PPFIBP2: variants seen among roughly 807,000 people sequenced by gnomAD.
PPFIBP2 encodes liprin-beta-2.
A neutral mutation model predicts 118.3 loss-of-function variants in PPFIBP2; 118 were observed. The ratio of observed to expected loss-of-function variants is 1.00; its 90% CI spans 0.86 to 1.16. PPFIBP2 has a LOEUF of 1.16. Among genes scored for constraint, PPFIBP2 ranks in the 50% most tolerant of loss-of-function variants. The pLI is 0.00. For missense variants in PPFIBP2, 1,195 were observed against 1,073.1 expected, an observed-to-expected ratio of 1.11 and a Z score of -1.59; for synonymous variants, 414 against 397.4, an observed-to-expected ratio of 1.04 and a Z score of -0.50.
At position 7,630,128 on chromosome 11, in the gene PPFIBP2, C is replaced by CTGGG. The variant is rs368208492; in HGVS notation, c.964+595_964+598dup. Among the ~76,000 whole-genome samples, 348 of 152,310 alleles carry CTGGG rather than the reference C, an allele frequency of 2.3e-3. 1 individual carries two copies. The highest frequency in any genetic ancestry group is 8.0e-3 in the African/African-American group (333 of 41,574). On this transcript the variant is annotated intron_variant, in intron 10 of 23. Coordinates refer to ENST00000299492, the MANE Select transcript of PPFIBP2 (RefSeq NM_003621.5). ...TGCCTTCATTGTTCATGCCATTGACCTGGGCTCCCATCATAGATCCTGAGG... is the reference window on the plus strand; with the variant it reads ...TGCCTTCATTGTTCATGCCATTGACCTGGGTGGGCTCCCATCATAGATCCTGAGG...
At chr11:7,573,395 T>A (rs2134845776) in intron 3 of PPFIBP2, among the ~76,000 whole-genome samples, 1 of 152,312 alleles carries the variant, frequency 6.6e-6, no homozygotes, top group East Asian at 1.9e-4. Flanking sequence ...CACAAGAATG[T>A]TTTGAGATGG....
At chr11:7,625,312 G>A (rs967273371) in intron 7 of PPFIBP2, among the ~76,000 whole-genome samples, 7 of 152,104 alleles carry the variant, frequency 4.6e-5, no homozygotes, top group African/African-American at 1.7e-4. Flanking sequence ...TTTGGCTTCC[G>A]CTGCATTTTC....
At chr11:7,657,444 C>T (rs1355271018), downstream of PPFIBP2, among the ~76,000 whole-genome samples, 11 of 152,220 alleles carry the variant, frequency 7.2e-5, no homozygotes, top group Admixed American at 1.3e-4. Flanking sequence ...CCAACACGTG[C>T]ACACCCTGCC....
intron 3 of PPFIBP2, among the ~76,000 whole-genome samples, chr11:7,578,003 T>A (rs1590334326): frequency 6.6e-6 from 1 of 152,336 alleles, no homozygotes; most frequent in East Asian, 1.9e-4. Flanking sequence ...TGCTGCCTTT[T>A]TAAATGCATT....
intron 3 of PPFIBP2, among the ~76,000 whole-genome samples, chr11:7,572,348 T>C (rs1855746943): frequency 6.6e-6 from 1 of 152,226 alleles, no homozygotes; most frequent in Non-Finnish European, 1.5e-5. Context: ...ACTGCAAATT[T>C]AGCAGTTTCA....
chr11:7,582,868 A>G (rs1590363884), intron 3 of PPFIBP2, among the ~76,000 whole-genome samples: 1 of 152,138 alleles, frequency 6.6e-6, no homozygotes. Context: ...CCTTGACCCA[A>G]TCCTGTTCCA....
rs772254280 is a variant in PPFIBP2 at position 7,628,352 on chromosome 11, A to G, written c.888+6A>G. The G allele has an allele frequency of 1.9e-6, 3 of 1,613,554 alleles. No homozygotes were observed. The highest frequency in any genetic ancestry group is 1.1e-5 in the South Asian group (1 of 91,030). On this transcript the variant is annotated splice_donor_region_variant and intron_variant, in intron 9 of 23. Coordinates refer to ENST00000299492, the MANE Select transcript of PPFIBP2 (RefSeq NM_003621.5). Reference sequence around the variant, plus strand: ...TGCTTGCCAATGAAGATAAGGTAAGATGGTCATTGGGTAGCCCTGTCTTTT... The same window carrying G: ...TGCTTGCCAATGAAGATAAGGTAAGGTGGTCATTGGGTAGCCCTGTCTTTT...
chr11:7,649,265 T>A, intron 20 of PPFIBP2, 30 bp downstream of exon 20: 1 of 1,583,012 alleles, frequency 6.3e-7, no homozygotes, highest in African/African-American at 1.3e-5. Flanking sequence ...ATATTTCAGT[T>A]GTCCCTGTGA....
chr11:7,523,267 A>G (rs1849924685), intron 1 of PPFIBP2, among the ~76,000 whole-genome samples: 2 of 152,170 alleles, frequency 1.3e-5, no homozygotes, highest in South Asian at 2.1e-4. Flanking sequence ...CCAGCCTCCC[A>G]GGATGGAGTC....
intron 5 of PPFIBP2, among the ~76,000 whole-genome samples, chr11:7,609,093 T>C (rs1299799268): frequency 6.6e-6 from 1 of 152,214 alleles, no homozygotes; most frequent in East Asian, 1.9e-4. Flanking sequence ...CTTTCCCAGG[T>C]AGGCTGTTGC....
chr11:7,652,683 G>A (rs924814137), intron 23 of PPFIBP2, among the ~76,000 whole-genome samples: 1 of 152,250 alleles, frequency 6.6e-6, no homozygotes, highest in Non-Finnish European at 1.5e-5. Flanking sequence ...GCTGAGGCAA[G>A]TTCTCTGTGC....
At chr11:7,537,523 T>C (rs1026805294) in intron 1 of PPFIBP2, among the ~76,000 whole-genome samples, 2 of 152,244 alleles carry the variant, frequency 1.3e-5, no homozygotes, top group African/African-American at 4.8e-5. Context: ...GAGTTATCTG[T>C]TGCCTAGTCC....
chr11:7,650,855 T>A lies in PPFIBP2; in HGVS notation c.2137T>A (p.Ser713Thr), dbSNP rs1341912898. ...CCTCTGACAGAGTAACCTTTCTCCT[T>A]CAGAAGTTGTACAGTGGTCCAACCA... ...RPADESNLSPSEVVQWSNHRV... is the reference protein window; with the variant it reads ...RPADESNLSPTEVVQWSNHRV... Residue 713 changes from serine to threonine, a missense_variant, in exon 22 of 24, where the codon TCA becomes ACA. Transcript: ENST00000299492. The A allele has an allele frequency of 6.2e-7, 1 of 1,613,936 alleles. No individual in the cohort carries two copies. Among genetic ancestry groups the A allele is most frequent in the Admixed American group, 1.7e-5 (1 of 60,010 alleles).
chr11:7,601,992 C>A (rs185106794), intron 5 of PPFIBP2, among the ~76,000 whole-genome samples: 26 of 147,618 alleles, frequency 1.8e-4, no homozygotes, highest in Non-Finnish European at 3.4e-4. Flanking sequence ...ACTTGGGAGG[C>A]TGAGTCAGGA....
At chr11:7,566,682 A>G (rs1211704665) in intron 3 of PPFIBP2, among the ~76,000 whole-genome samples, 1 of 152,002 alleles carries the variant, frequency 6.6e-6, no homozygotes, top group African/African-American at 2.4e-5. Context: ...TTTCACTAAT[A>G]TACCTAAATT....
intron 4 of PPFIBP2, among the ~76,000 whole-genome samples, chr11:7,596,349 C>G (rs534494033): frequency 6.7e-6 from 1 of 149,488 alleles, no homozygotes; most frequent in Admixed American, 6.6e-5. Flanking sequence ...CAAAGGTTTG[C>G]GTGTAAGGTG....
At chr11:7,665,792 G>C in the PPFIBP2 span, 3 of 1,484,148 alleles carry the variant, frequency 2.0e-6, no homozygotes, top group Non-Finnish European at 2.7e-6. Flanking sequence ...TCAGCTGTCA[G>C]CATTGACGAG....
At chr11:7,646,971 GA>G (rs1853171441) in intron 17 of PPFIBP2, among the ~76,000 whole-genome samples, 1 of 151,890 alleles carries the variant, frequency 6.6e-6, no homozygotes, top group South Asian at 2.1e-4. Flanking sequence ...CTATTTTGAA[GA>G]GAAAGTTTGT....
chr11:7,665,534 C>G, the PPFIBP2 span: 1 of 1,605,744 alleles, frequency 6.2e-7, no homozygotes, highest in Non-Finnish European at 8.5e-7. Context: ...GAAGCCTGAG[C>G]TGTACTTCCA....
Sources: gnomAD v4.1 joint callset for allele counts (sites outside exome capture counted in the v4.1 genomes callset) on GRCh38, gnomAD v4.1.1 for gene constraint, MANE v1.5 for transcripts, NCBI Gene and HGNC (gene_info 2026-07-23, HGNC 2026-07-21) for gene names.